Variants in ARAP3 observed in about 807,000 individuals in gnomAD.
ARAP3 encodes the protein arf-GAP with Rho-GAP domain, ANK repeat and PH domain-containing protein 3.
ARAP3 carries 82 observed loss-of-function variants against 169.2 expected under a neutral mutation model. The ratio of observed to expected loss-of-function variants is 0.48; its 90% CI spans 0.41 to 0.58. The LOEUF (loss-of-function observed/expected upper bound fraction) is 0.58, where lower values mean the gene tolerates loss of function less well. Ranked by LOEUF, ARAP3 falls within the 20% of genes least tolerant of loss-of-function variation. ARAP3 has a pLI of 0.00. For synonymous variants in ARAP3, 791 were observed against 800.3 expected (o/e 0.99, Z 0.20); for missense variants, 1,764 against 2,018.0 (o/e 0.87, Z 2.41).
At position 141,670,558 on chromosome 5, in the gene ARAP3, G is replaced by A. The variant is rs754619715; in HGVS notation, c.2061C>T (p.Pro687=). 11 of 1,613,972 alleles carry A rather than the reference G, an allele frequency of 6.8e-6. No homozygotes were observed. Among genetic ancestry groups the A allele is most frequent in the Admixed American group, 3.3e-5 (2 of 60,000 alleles). Residue 687 remains proline, a synonymous_variant, in exon 14 of 33, where the codon CCC becomes CCT. Transcript: ENST00000239440. ...ATYSGFLYCS[P]VSNKAGPSPP... ...GTGAGGGTCCAGCTTTGTTGCTGAC[G>A]GGACTGCAGTACAGGAAGCCGCTGT... is the stretch of plus-strand genomic sequence containing the variant.
intron 25 of ARAP3, among the ~76,000 whole-genome samples, chr5:141,657,101 A>G (rs938200737): frequency 2.0e-5 from 3 of 152,258 alleles, no homozygotes; most frequent in Non-Finnish European, 4.4e-5. Context: ...CTTTGCAAGA[A>G]ACAATAAACT....
Position 141,656,259 on chromosome 5 carries a change from C to A in ARAP3, c.3807G>T (p.Arg1269=), listed in dbSNP as rs150555451. 1.2e-6 allele frequency: 2 copies of A among 1,614,000 alleles called. No homozygotes were observed. The highest frequency in any genetic ancestry group is 2.2e-5 in the East Asian group (1 of 44,890). The change falls in exon 28 of 33, where the codon CGG becomes CGT. Residue 1269 remains arginine (R), a synonymous_variant. Transcript: ENST00000239440. The part of the protein sequence containing the change: ...LKEKKSSKPE[R]EWPLEGAKVY... The stretch of plus-strand genomic sequence containing the variant: ...CCTTGGCACCTTCCAAAGGCCACTC[C>A]CGTTCTGGTTTAGAGCTCTGAGAAC...
Position 141,656,196 on chromosome 5 carries a change from T to C in ARAP3, c.3870A>G (p.Thr1290=), listed in dbSNP as rs2099909251. 6.2e-7 allele frequency: 1 copy of C among 1,613,844 alleles called. No homozygotes were observed. Among genetic ancestry groups the C allele is most frequent in the Non-Finnish European group, 8.5e-7 (1 of 1,179,974 alleles). ...GCGGGCTGGGGAAGAAAACTCACGG[T>C]GTTGGGGGCTTTAACTTCTTGCGGA... The part of the protein sequence containing the change: ...LGIRKKLKPP[T]PWGFTLILEK... Residue 1290 remains threonine (T), a splice_region_variant and synonymous_variant, in exon 28 of 33, where the codon ACA becomes ACG. Coordinates refer to ENST00000239440, the MANE Select transcript of ARAP3 (RefSeq NM_022481.6).
At chr5:141,664,796 G>A (rs1273646199) in intron 19 of ARAP3, 126 bp downstream of exon 19, 1 of 1,235,590 alleles carries the variant, frequency 8.1e-7, no homozygotes, top group Non-Finnish European at 1.1e-6. Context: ...TCCAGCTGCA[G>A]TTTCTGGAGG....
In ARAP3 at chr5:141,654,350, C is replaced by T; in HGVS notation, c.4235G>A (p.Gly1412Glu). ...GTCCTGGATCAACTCAGGGAAGGCC[C>T]CTACTTCCTCATACACTGGCTCCTC... is the stretch of plus-strand genomic sequence containing the variant. ...VYEEPVYEEV[G>E]AFPELIQDTS... The change falls in exon 33 of 33, where the codon GGG (glycine) becomes GAG (glutamate). Residue 1412 changes from glycine (G) to glutamate (E), a missense_variant. Physicochemically the swap from Gly to Glu is moderately conservative, Grantham distance 98. This residue lies in a region of ARAP3 where 1,112 missense variants were observed against 1,285.7 expected (regional missense o/e 0.86). Coordinates refer to ENST00000239440, the MANE Select transcript of ARAP3 (RefSeq NM_022481.6). 1 of 1,614,004 alleles carries T rather than the reference C, an allele frequency of 6.2e-7. No homozygotes were observed. The highest frequency in any genetic ancestry group is 8.5e-7 in the Non-Finnish European group (1 of 1,179,962).
intron 32 of ARAP3, among the ~76,000 whole-genome samples, chr5:141,654,638 A>T (rs1232747365): frequency 2.0e-5 from 3 of 152,126 alleles, no homozygotes; most frequent in Non-Finnish European, 2.9e-5. Context: ...TCACATAATG[A>T]GTGAATGGTA....
chr5:141,665,441 A>G (rs1189155841), intron 17 of ARAP3, 67 bp from the exon 18 acceptor site: 2 of 1,541,310 alleles, frequency 1.3e-6, no homozygotes, highest in East Asian at 4.5e-5. Flanking sequence ...TATTTATTAA[A>G]TGCTTAACGT....
intron 32 of ARAP3, among the ~76,000 whole-genome samples, 180 bp downstream of exon 32, chr5:141,655,182 T>TAC (rs3075597): frequency 0.062 from 5,949 of 95,462 alleles, 531 homozygotes; most frequent in Non-Finnish European, 0.069. Flanking sequence ...CCTGATGGCC[T>TAC]ACACACACAC....
At chr5:141,681,042 GT>G (rs1160240331) in intron 1 of ARAP3, among the ~76,000 whole-genome samples, 5 of 152,138 alleles carry the variant, frequency 3.3e-5, no homozygotes, top group Non-Finnish European at 7.4e-5. Context: ...AATCCTGGTT[GT>G]TCCCAGTCCC....
rs759823071 is a variant in ARAP3, at chr5:141,670,515, C to A, written c.2104G>T (p.Asp702Tyr). The change falls in exon 14 of 33, where the codon GAT becomes TAT. Residue 702 changes from aspartate to tyrosine, a missense_variant. Physicochemically the swap from Asp to Tyr is radical, Grantham distance 160 (BLOSUM62 -3). Coordinates refer to ENST00000239440, the MANE Select transcript of ARAP3 (RefSeq NM_022481.6). The part of the protein sequence containing the change: ...AGPSPPRRGR[D>Y]APPRLWCVLG... ...CCATCCCTTGGCTCCCCCTCACCATCCCGGCCCCTGCGAGGGGGTGAGGGT... is the reference window on the plus strand; with the variant it reads ...CCATCCCTTGGCTCCCCCTCACCATACCGGCCCCTGCGAGGGGGTGAGGGT... The A allele has an allele frequency of 6.2e-7, 1 of 1,613,884 alleles. No individual in the cohort carries two copies. Among genetic ancestry groups the A allele is most frequent in the Non-Finnish European group, 8.5e-7 (1 of 1,179,822 alleles).
chr5:141,654,146 G>A lies in ARAP3; in HGVS notation c.4439C>T (p.Ser1480Phe). ...CTCCTGGAGCAGCTGTTCCTCTAGG[G>A]ACCCCCGTGCCTGGGGACTGCTCTT... is the stretch of plus-strand genomic sequence containing the variant. ...PSKSSPQARG[S>F]LEEQLLQELS... Residue 1480 changes from serine (S) to phenylalanine (F), a missense_variant, in exon 33 of 33, where the codon TCC becomes TTC. Physicochemically the swap from Ser to Phe is radical, Grantham distance 155. This residue lies in a region of ARAP3 where 1,112 missense variants were observed against 1,285.7 expected (regional missense o/e 0.86). Transcript: ENST00000239440. The A allele has an allele frequency of 6.2e-7, 1 of 1,613,338 alleles. No individual in the cohort carries two copies.
chr5:141,678,185 A>T (rs2099912460), intron 4 of ARAP3, among the ~76,000 whole-genome samples: 1 of 152,134 alleles, frequency 6.6e-6, no homozygotes, highest in Non-Finnish European at 1.5e-5. Context: ...TCCTGAACTC[A>T]GGTGGTCCGC....
chr5:141,653,704 G>A lies in ARAP3; in HGVS notation c.*246C>T, dbSNP rs2099908827. The A allele has an allele frequency of 1.2e-5, 5 of 403,180 alleles. No individual in the cohort carries two copies. The highest frequency in any genetic ancestry group is 2.2e-5 in the Non-Finnish European group (5 of 230,690). 25.0% of individuals were successfully genotyped at this position (403,180 alleles called of 1,614,324 possible). On this transcript the variant is annotated 3_prime_UTR_variant, in exon 33 of 33. Coordinates refer to ENST00000239440, the MANE Select transcript of ARAP3 (RefSeq NM_022481.6). The stretch of plus-strand genomic sequence containing the variant: ...GGGGCTTATGGCTCTAAGAAACACA[G>A]TTTGACATTCACTGCTCTCCTTACT...
intron 26 of ARAP3, 40 bp downstream of exon 26, chr5:141,656,678 G>A: frequency 1.2e-6 from 2 of 1,613,326 alleles, no homozygotes; most frequent in Non-Finnish European, 1.7e-6. Context: ...GATGCTAGGG[G>A]AGAGACCTGG....
In ARAP3 at chr5:141,672,413, C is replaced by T; in HGVS notation, c.1386-112G>A. 1 of 1,501,824 alleles carries T rather than the reference C, an allele frequency of 6.7e-7. No homozygotes were observed. Among genetic ancestry groups the T allele is most frequent in the Non-Finnish European group, 9.1e-7 (1 of 1,101,690 alleles). 93.0% of individuals were successfully genotyped at this position (1,501,824 alleles called of 1,614,324 possible). A position where few individuals can be genotyped will look rare whatever the true frequency, so the allele number is the denominator to read the frequency against. On this transcript the variant is annotated intron_variant, in intron 9 of 32. Coordinates refer to ENST00000239440, the MANE Select transcript of ARAP3 (RefSeq NM_022481.6). This position sits in a 1 kb window ranked among gnomAD's most constrained non-coding sequence, Gnocchi z 4.9. ...CACACCTGGGGCAGCCCAGACCCTTCTGACATCTTGACCTAGCTCACTGGA... is the reference window on the plus strand; with the variant it reads ...CACACCTGGGGCAGCCCAGACCCTTTTGACATCTTGACCTAGCTCACTGGA...
rs768856824 is a variant in ARAP3, at chr5:141,655,655, C to T, written c.4076G>A (p.Ser1359Asn). The T allele has an allele frequency of 3.1e-6, 5 of 1,614,176 alleles. No individual in the cohort carries two copies. In the Admixed American group the frequency reaches 6.7e-5, roughly 22 times the overall value. ...ATTGGCAGAGAGGAGGGTGGCTCCA[C>T]TGTCATCCCCACGGATAGGCAGCAA... ...MPLLPIRGDD[S>N]GATLLSANQT... The change falls in exon 31 of 33, where the codon AGT becomes AAT. Residue 1359 changes from serine to asparagine, a missense_variant. By Grantham distance (46) the Ser-to-Asn change is conservative. Transcript: ENST00000239440.
Position 141,671,258 on chromosome 5 carries a change from GA to G in ARAP3, c.1990+6del. The G allele has an allele frequency of 6.3e-7, 1 of 1,592,938 alleles. No individual in the cohort carries two copies. The highest frequency in any genetic ancestry group is 2.2e-5 in the East Asian group (1 of 44,668). On this transcript the variant is annotated splice_donor_region_variant and intron_variant, in intron 13 of 32. Coordinates refer to ENST00000239440, the MANE Select transcript of ARAP3 (RefSeq NM_022481.6). The surrounding 1 kb of genome is among the most constrained non-coding windows in gnomAD (Gnocchi z 4.9). Reference sequence around the variant, plus strand: ...TAGGGGAGAGAGGAGGCACTTGGGGGAATGACCTGAGGGCAAGAGGCCAGGG... The same window carrying G: ...TAGGGGAGAGAGGAGGCACTTGGGGGATGACCTGAGGGCAAGAGGCCAGGG...
At chr5:141,680,733 G>A in intron 1 of ARAP3, 1 of 691,156 alleles carries the variant, frequency 1.4e-6, no homozygotes, top group Non-Finnish European at 2.3e-6. Context: ...GAGGGGAAGG[G>A]GCTTGCCCCA....
intron 18 of ARAP3, 108 bp downstream of exon 18, chr5:141,665,203 A>G: frequency 6.4e-7 from 1 of 1,567,232 alleles, no homozygotes; most frequent in Non-Finnish European, 8.7e-7. Context: ...ATCCTGGAGC[A>G]AGGGAAGAAA....
Sources: gnomAD v4.1 joint callset for allele counts (sites outside exome capture counted in the v4.1 genomes callset) on GRCh38, gnomAD v4.1.1 for gene constraint, gnomAD v4.1.1 regional missense constraint, Gnocchi (gnomAD v3.1) non-coding constraint, MANE v1.5 for transcripts, NCBI Gene and HGNC (gene_info 2026-07-23, HGNC 2026-07-21) for gene names.